Variants in SMTN observed in about 807,000 individuals in gnomAD.
SMTN encodes smoothelin.
A neutral mutation model predicts 102.0 loss-of-function variants in SMTN; 58 were observed. The ratio of observed to expected loss-of-function variants is 0.57; its 90% CI spans 0.46 to 0.71. SMTN has a LOEUF of 0.71. Among genes scored for constraint, SMTN ranks in the 30% least tolerant of loss-of-function variants. The probability of loss-of-function intolerance (pLI) is 0.00; values close to 1 mark genes in which losing one functional copy is unlikely to be tolerated. For missense variants in SMTN, 1,185 were observed against 1,241.7 expected, an observed-to-expected ratio of 0.95 and a Z score of 0.69; for synonymous variants, 478 against 497.9, an observed-to-expected ratio of 0.96 and a Z score of 0.53.
rs534158687 is a variant in SMTN, at chr22:31,066,392, C to G, written c.-386+2205C>G. The G allele has an allele frequency of 4.3e-4, 66 of 152,148 alleles. 1 individual carries two copies. The highest frequency in any genetic ancestry group is 1.5e-3 in the African/African-American group (64 of 41,502). 9.4% of individuals were successfully genotyped at this position (152,148 alleles called of 1,614,324 possible). On this transcript the variant is annotated intron_variant, in intron 1 of 3. Coordinates refer to the SMTN transcript ENST00000422839. ...TGCACGATCTTGGCTCACGCAACCT[C>G]TACCTCCCAGATTCAAGCAATTCTT...
chr22:31,089,034 G>C, intron 6 of SMTN, 65 bp downstream of exon 6: 1 of 1,330,012 alleles, frequency 7.5e-7, no homozygotes, highest in South Asian at 1.2e-5. Context: ...CAGAGTGCCT[G>C]AGTGTCTTTG....
chr22:31,090,285 C>T (rs2043024267), intron 8 of SMTN, 105 bp downstream of exon 8: 2 of 901,828 alleles, frequency 2.2e-6, no homozygotes, highest in Admixed American at 5.3e-5. Context: ...CTCTAGCTTC[C>T]TCAGGTCCAT....
intron 8 of SMTN, 66 bp from the exon 9 acceptor site, chr22:31,090,742 G>A: frequency 7.9e-7 from 1 of 1,259,870 alleles, no homozygotes; most frequent in Non-Finnish European, 1.2e-6. Context: ...ATGAAAGGTG[G>A]ACACCCACTA....
At position 31,071,657 on chromosome 22, in the gene SMTN, G is replaced by A. The variant is rs570848951; in HGVS notation, c.-386+7470G>A. Reference sequence around the variant, plus strand: ...TAATTAATTAAAAAAAATTCAACTGGGGAAATAGTTCTAGCTCTCTCTTTC... The same window carrying A: ...TAATTAATTAAAAAAAATTCAACTGAGGAAATAGTTCTAGCTCTCTCTTTC... On this transcript the variant is annotated intron_variant, in intron 1 of 3. Transcript: ENST00000422839. Among the ~76,000 whole-genome samples, 185 of 151,062 alleles carry A rather than the reference G, an allele frequency of 1.2e-3. 1 individual carries two copies. The highest frequency in any genetic ancestry group is 4.4e-3 in the African/African-American group (181 of 40,968).
At chr22:31,098,644 A>G (rs2043805102) in intron 16 of SMTN, 23 bp from the exon 17 acceptor site, 1 of 1,610,480 alleles carries the variant, frequency 6.2e-7, no homozygotes, top group South Asian at 1.1e-5. Flanking sequence ...TCCCTGCCTA[A>G]CATGCGCCTC....
At chr22:31,066,941 A>C (rs936211703) in intron 1 of SMTN, 22 of 151,438 alleles carry the variant, frequency 1.5e-4, no homozygotes, top group African/African-American at 5.1e-4. Context: ...TTTTTTGTAA[A>C]GACAGAGTTT....
intron 1 of SMTN, among the ~76,000 whole-genome samples, chr22:31,074,643 A>C (rs1270538995): frequency 6.6e-6 from 1 of 152,136 alleles, no homozygotes; most frequent in African/African-American, 2.4e-5. Context: ...TATATAACTT[A>C]GCCAGGCGTG....
intron 18 of SMTN, 112 bp from the exon 19 acceptor site, chr22:31,099,633 A>C (rs924467503): frequency 1.5e-5 from 17 of 1,145,076 alleles, no homozygotes; most frequent in South Asian, 7.4e-5. Context: ...TGTGCAAGCT[A>C]CGGGGCCTCT....
chr22:31,086,113 G>A (rs1306688096), intron 2 of SMTN, among the ~76,000 whole-genome samples: 2 of 152,192 alleles, frequency 1.3e-5, no homozygotes, highest in African/African-American at 2.4e-5. Flanking sequence ...AGCCAGCACC[G>A]GGGGCTGGGG....
At chr22:31,104,198 G>A (rs1314229142) in intron 20 of SMTN, 118 bp from the exon 21 acceptor site, 3 of 1,225,090 alleles carry the variant, frequency 2.4e-6, no homozygotes, top group Non-Finnish European at 3.4e-6. Context: ...GCTTTTCCCT[G>A]TCTGGAGTTT....
chr22:31,098,127 A>G (rs2043748840), intron 16 of SMTN, among the ~76,000 whole-genome samples: 1 of 152,206 alleles, frequency 6.6e-6, no homozygotes, highest in African/African-American at 2.4e-5. Flanking sequence ...AGAATCCAGG[A>G]TGAGAACCAA....
At chr22:31,070,457 C>T (rs11705150) in intron 1 of SMTN, among the ~76,000 whole-genome samples, 17,081 of 151,268 alleles carry the variant, frequency 0.11, 1,953 homozygotes, top group African/African-American at 0.3. Context: ...GTTCCTGCCT[C>T]GGGACATTTG....
At chr22:31,098,935 C>A in intron 17 of SMTN, 95 bp downstream of exon 17, 5 of 1,549,810 alleles carry the variant, frequency 3.2e-6, no homozygotes, top group Non-Finnish European at 4.4e-6. Context: ...GCGGGAAGAC[C>A]GCGCGGCTAG....
chr22:31,099,303 G>A, intron 18 of SMTN, 124 bp downstream of exon 18: 1 of 667,436 alleles, frequency 1.5e-6, no homozygotes, highest in Non-Finnish European at 2.6e-6. Flanking sequence ...AGGGAACATG[G>A]AAAGGCTCTT....
chr22:31,099,745 C>A lies in SMTN; in HGVS notation c.2452C>A (p.His818Asn), dbSNP rs750276884. 1.2e-6 allele frequency: 2 copies of A among 1,613,790 alleles called. No individual in the cohort carries two copies. Among genetic ancestry groups the A allele is most frequent in the Non-Finnish European group, 1.7e-6 (2 of 1,179,804 alleles). Residue 818 changes from histidine (H) to asparagine (N), a missense_variant and splice_region_variant, in exon 19 of 21, where the codon CAC becomes AAC. Physicochemically the swap from His to Asn is moderately conservative, Grantham distance 68. This residue lies in a region of SMTN where 1,096 missense variants were observed against 1,112.7 expected (regional missense o/e 0.98). Coordinates refer to ENST00000333137, the MANE Select transcript of SMTN (RefSeq NM_134269.3). ...WCRAKTRGYE[H>N]VDIQNFSSSW... ...TGACCAGTCCTCCTACGGCTTATAG[C>A]ACGTCGACATCCAGAACTTCTCCTC...
At chr22:31,092,104 T>C (rs1000382273) in intron 11 of SMTN, among the ~76,000 whole-genome samples, 9 of 152,214 alleles carry the variant, frequency 5.9e-5, no homozygotes, top group Admixed American at 2.6e-4. Context: ...TGCTGATCTC[T>C]GATCCTTAGT....
chr22:31,100,492 C>T (rs1330347007), intron 19 of SMTN, among the ~76,000 whole-genome samples: 7 of 151,928 alleles, frequency 4.6e-5, no homozygotes. Flanking sequence ...CCTCCCCCCA[C>T]CTCCTCTCAC....
chr22:31,090,514 G>C (rs1445799079), intron 8 of SMTN, among the ~76,000 whole-genome samples: 2 of 152,070 alleles, frequency 1.3e-5, no homozygotes, highest in Non-Finnish European at 2.9e-5. Flanking sequence ...TCTGCAGAAA[G>C]GATCTGGGCA....
At chr22:31,073,675 G>T (rs950281799) in intron 1 of SMTN, among the ~76,000 whole-genome samples, 2 of 152,204 alleles carry the variant, frequency 1.3e-5, no homozygotes, top group African/African-American at 4.8e-5. Context: ...GTTTGTTACA[G>T]CAGTCAGCAT....
Sources: gnomAD v4.1 joint callset for allele counts (sites outside exome capture counted in the v4.1 genomes callset) on GRCh38, gnomAD v4.1.1 for gene constraint, gnomAD v4.1.1 regional missense constraint, MANE v1.5 for transcripts, NCBI Gene and HGNC (gene_info 2026-07-23, HGNC 2026-07-21) for gene names.